Variants in TMTC3 observed in about 807,000 individuals in gnomAD.
TMTC3 encodes transmembrane O-mannosyltransferase targeting cadherins 3.
A neutral mutation model predicts 92.2 loss-of-function variants in TMTC3; 52 were observed. The observed-to-expected ratio is 0.56, with a 90% CI of 0.45 to 0.71. The LOEUF (loss-of-function observed/expected upper bound fraction) is 0.71, where lower values mean the gene tolerates loss of function less well. TMTC3 is among the 30% of genes least tolerant of loss of function. The probability of loss-of-function intolerance (pLI) is 0.00; values close to 1 mark genes in which losing one functional copy is unlikely to be tolerated. For synonymous variants in TMTC3, 339 were observed against 363.3 expected, an observed-to-expected ratio of 0.93 and a Z score of 0.76; for missense variants, 896 against 1,057.1, an observed-to-expected ratio of 0.85 and a Z score of 2.11.
intron 10 of TMTC3, among the ~76,000 whole-genome samples, chr12:88,180,521 A>G (rs1250122071): frequency 6.6e-6 from 1 of 152,236 alleles, no homozygotes; most frequent in East Asian, 1.9e-4. Context: ...AAGCATAGTA[A>G]GGAACAAATT....
At chr12:88,175,032 T>A (rs73414714) in intron 9 of TMTC3, among the ~76,000 whole-genome samples, 7 of 152,278 alleles carry the variant, frequency 4.6e-5, no homozygotes, top group African/African-American at 1.7e-4. Context: ...GGTGCTTATA[T>A]TTTTCCTTTT....
At chr12:88,159,239 C>G (rs1194846839) in intron 4 of TMTC3, among the ~76,000 whole-genome samples, 1 of 152,098 alleles carries the variant, frequency 6.6e-6, no homozygotes, top group Non-Finnish European at 1.5e-5. Flanking sequence ...ACTCTTTAGT[C>G]AAATTACTAC....
In TMTC3 at chr12:88,176,199, G is replaced by A. The variant is rs773777108; in HGVS notation, c.1321-9G>A. On this transcript the variant is annotated splice_polypyrimidine_tract_variant and intron_variant, in intron 9 of 13. Transcript: ENST00000266712. ...ATTGTAACTTTTTCTATCTGTGCTT[G>A]TATTTAAGGTAAATAAAAATAATGC... is the stretch of plus-strand genomic sequence containing the variant. The A allele has an allele frequency of 1.5e-5, 23 of 1,563,930 alleles. No homozygotes were observed. Among genetic ancestry groups the A allele is most frequent in the Admixed American group, 8.7e-5 (5 of 57,482 alleles).
At chr12:88,188,430 C>G (rs1370143420) in intron 10 of TMTC3, among the ~76,000 whole-genome samples, 1 of 151,994 alleles carries the variant, frequency 6.6e-6, no homozygotes, top group Non-Finnish European at 1.5e-5. Context: ...ATAAAAATTT[C>G]TTCATTACCT....
intron 10 of TMTC3, among the ~76,000 whole-genome samples, chr12:88,188,029 C>T (rs1045807435): frequency 6.6e-6 from 1 of 152,032 alleles, no homozygotes; most frequent in Non-Finnish European, 1.5e-5. Context: ...TTACTTTCCA[C>T]ATCAGAAAAT....
chr12:88,164,723 T>C (rs1323758686), intron 6 of TMTC3, among the ~76,000 whole-genome samples: 1 of 152,218 alleles, frequency 6.6e-6, no homozygotes, highest in South Asian at 2.1e-4. Flanking sequence ...CTTTTATTTT[T>C]AACAAAAGGC....
At chr12:88,173,181 A>G in intron 8 of TMTC3, 3 of 1,001,512 alleles carry the variant, frequency 3.0e-6, no homozygotes, top group South Asian at 1.8e-5. Context: ...TAATCTTTGT[A>G]TCCTAGTTGC....
chr12:88,158,331 G>A (rs1222156427), intron 4 of TMTC3, among the ~76,000 whole-genome samples: 3 of 151,898 alleles, frequency 2.0e-5, no homozygotes, highest in Non-Finnish European at 2.9e-5. Context: ...ATTTTTCCAT[G>A]GCTTCTATAT....
intron 10 of TMTC3, among the ~76,000 whole-genome samples, chr12:88,181,204 T>C (rs750054603): frequency 2.6e-5 from 4 of 152,156 alleles, no homozygotes; most frequent in Non-Finnish European, 5.9e-5. Flanking sequence ...TAATAACATA[T>C]TGGGAGGACT....
rs1236514872 is a variant in TMTC3, at chr12:88,198,019, C to CAGTTA, written c.*2375_*2379dup. On this transcript the variant is annotated 3_prime_UTR_variant, in exon 14 of 14. Coordinates refer to ENST00000266712, the MANE Select transcript of TMTC3 (RefSeq NM_181783.4). The stretch of plus-strand genomic sequence containing the variant: ...TAACTTTTAAAACTAGTAATGTACC[C>CAGTTA]AGTTAAGTTTTGATGGTTTAAATTC... The CAGTTA allele has an allele frequency of 4.3e-5, 11 of 257,486 alleles. No homozygotes were observed. The highest frequency in any genetic ancestry group is 8.8e-5 in the African/African-American group (4 of 45,280). The allele number at this position is 257,486 out of a possible 1,614,324, so 16.0% of individuals were successfully genotyped here.
At chr12:88,182,326 A>G (rs909136868) in intron 10 of TMTC3, among the ~76,000 whole-genome samples, 1 of 152,106 alleles carries the variant, frequency 6.6e-6, no homozygotes, top group Admixed American at 6.5e-5. Context: ...AGCTTGCTCT[A>G]TTTTTTCAAT....
chr12:88,149,703 C>A (rs1051876654), intron 2 of TMTC3, among the ~76,000 whole-genome samples: 2 of 152,070 alleles, frequency 1.3e-5, no homozygotes, highest in Non-Finnish European at 2.9e-5. Context: ...AATTTGGAAG[C>A]CTCTCAAGGT....
intron 10 of TMTC3, among the ~76,000 whole-genome samples, chr12:88,185,782 T>G (rs2041371160): frequency 6.6e-6 from 1 of 152,176 alleles, no homozygotes. Context: ...AATGCTTTTG[T>G]GCACCATTTG....
intron 10 of TMTC3, among the ~76,000 whole-genome samples, chr12:88,177,307 CAG>C (rs907625357): frequency 1.3e-5 from 2 of 150,934 alleles, no homozygotes; most frequent in African/African-American, 4.9e-5. Flanking sequence ...GCCTGGGTGA[CAG>C]AGTGATATAC....
intron 13 of TMTC3, among the ~76,000 whole-genome samples, chr12:88,194,112 C>T (rs368011754): frequency 2.0e-5 from 3 of 152,020 alleles, no homozygotes; most frequent in Admixed American, 6.6e-5. Context: ...GTCCCAGCTA[C>T]TCGGGAAGCC....
chr12:88,160,068 T>TA, intron 4 of TMTC3, 46 bp from the exon 5 acceptor site: 1 of 1,294,318 alleles, frequency 7.7e-7, no homozygotes, highest in Admixed American at 2.1e-5. Context: ...TTTGATATTA[T>TA]AAAATTGTTT....
chr12:88,192,974 A>G (rs1226517370), intron 13 of TMTC3, 144 bp downstream of exon 13: 9 of 596,260 alleles, frequency 1.5e-5, no homozygotes, highest in Non-Finnish European at 2.4e-5. Context: ...TATAGAAAGA[A>G]TATTTAAAAT....
At chr12:88,178,253 T>C (rs1004826888) in intron 10 of TMTC3, among the ~76,000 whole-genome samples, 3 of 152,214 alleles carry the variant, frequency 2.0e-5, no homozygotes, top group Non-Finnish European at 4.4e-5. Context: ...AAAATATAAC[T>C]GATGGTCTAG....
chr12:88,168,852 A>G (rs1343945388), intron 7 of TMTC3, among the ~76,000 whole-genome samples: 1 of 152,228 alleles, frequency 6.6e-6, no homozygotes, highest in Non-Finnish European at 1.5e-5. Context: ...TAGGAAGAAT[A>G]CAGTTGATTA....
Sources: allele counts gnomAD v4.1 joint callset (sites outside exome capture counted in the v4.1 genomes callset), GRCh38; gene constraint gnomAD v4.1.1; transcripts MANE v1.5; gene names NCBI Gene and HGNC (gene_info 2026-07-23, HGNC 2026-07-21).